The following FYN variants were observed in gnomAD, a reference collection of about 807,000 sequenced individuals.
FYN encodes the protein tyrosine-protein kinase Fyn.
FYN carries 10 observed loss-of-function variants against 70.2 expected under a neutral mutation model. The ratio of observed to expected loss-of-function variants is 0.14; its 90% CI spans 0.09 to 0.24. FYN has a LOEUF of 0.24. Among genes scored for constraint, FYN ranks in the 10% least tolerant of loss-of-function variants. The pLI is 1.00. For missense variants in FYN, 319 were observed against 673.1 expected (o/e 0.47, Z 5.82); for synonymous variants, 236 against 248.6 (o/e 0.95, Z 0.48).
intron 4 of FYN, among the ~76,000 whole-genome samples, chr6:111,716,431 C>A (rs1366572262): frequency 6.6e-6 from 1 of 152,090 alleles, no homozygotes; most frequent in Non-Finnish European, 1.5e-5. Flanking sequence ...GTTCTATGCT[C>A]CCTGGAATAT....
At chr6:111,855,942 T>C (rs1773813521) in intron 1 of FYN, among the ~76,000 whole-genome samples, 1 of 152,256 alleles carries the variant, frequency 6.6e-6, no homozygotes, top group Admixed American at 6.5e-5. Context: ...TTCTGATGTT[T>C]TGTAATATCT....
At chr6:111,844,135 G>A (rs538670143) in intron 2 of FYN, among the ~76,000 whole-genome samples, 146 of 152,288 alleles carry the variant, frequency 9.6e-4, no homozygotes, top group Non-Finnish European at 1.8e-3. Context: ...ACAGTGAAGT[G>A]TAACATAGAT....
At chr6:111,734,339 G>A (rs1356154929) in intron 3 of FYN, among the ~76,000 whole-genome samples, 2 of 152,174 alleles carry the variant, frequency 1.3e-5, no homozygotes, top group Non-Finnish European at 2.9e-5. Context: ...CTGTGCCAGA[G>A]CCTTGAGAAG....
chr6:111,694,350 G>C lies in FYN; in HGVS notation c.1273+25C>G. 1 of 1,613,188 alleles carries C rather than the reference G, an allele frequency of 6.2e-7. No individual in the cohort carries two copies. The highest frequency in any genetic ancestry group is 8.5e-7 in the Non-Finnish European group (1 of 1,179,308). ...TGACTGTTCTCACAGCTGTGATCAC[G>C]AGCCATTGTCATTCAAGTGCCCACC... On this transcript the variant is annotated intron_variant, in intron 12 of 13. Coordinates refer to ENST00000354650, the MANE Select transcript of FYN (RefSeq NM_002037.5). This position sits in a 1 kb window ranked among gnomAD's most constrained non-coding sequence, Gnocchi z 5.0.
At chr6:111,809,654 C>T (rs1261483284) in intron 2 of FYN, among the ~76,000 whole-genome samples, 1 of 152,238 alleles carries the variant, frequency 6.6e-6, no homozygotes, top group Non-Finnish European at 1.5e-5. Flanking sequence ...ACCTGCCAAT[C>T]CCCCTCTTCA....
intron 2 of FYN, among the ~76,000 whole-genome samples, chr6:111,801,023 C>T (rs2148710): frequency 0.3 from 46,179 of 152,174 alleles, 11,229 homozygotes; most frequent in African/African-American, 0.68. Flanking sequence ...GCTTCACAGA[C>T]AGTAGAAGGA....
chr6:111,731,276 G>A (rs865910862), intron 3 of FYN, among the ~76,000 whole-genome samples: 4 of 152,320 alleles, frequency 2.6e-5, no homozygotes, highest in Admixed American at 6.5e-5. Context: ...TTCCAGTCAA[G>A]AAGATCCAAT....
chr6:111,839,728 A>G (rs1773297370), intron 2 of FYN, among the ~76,000 whole-genome samples: 1 of 152,168 alleles, frequency 6.6e-6, no homozygotes, highest in Non-Finnish European at 1.5e-5. Context: ...GACTAGGAAA[A>G]AAGGATTTTT....
intron 2 of FYN, among the ~76,000 whole-genome samples, chr6:111,837,812 C>T (rs894582567): frequency 3.3e-5 from 5 of 152,188 alleles, no homozygotes; most frequent in South Asian, 2.1e-4. Context: ...CACCACACGA[C>T]GCTGCCTCAT....
At chr6:111,776,157 G>A (rs138282230) in intron 3 of FYN, among the ~76,000 whole-genome samples, 53 of 152,270 alleles carry the variant, frequency 3.5e-4, no homozygotes, top group Middle Eastern at 6.8e-3. Context: ...GGTAGAGTGG[G>A]TGAAAGGCAC....
chr6:111,823,856 T>C (rs1410877592), intron 2 of FYN, among the ~76,000 whole-genome samples: 1 of 152,222 alleles, frequency 6.6e-6, no homozygotes, highest in Non-Finnish European at 1.5e-5. Flanking sequence ...ACATTGACTT[T>C]CAGTTTATCA....
chr6:111,696,187 G>A, intron 10 of FYN, 90 bp downstream of exon 10: 1 of 1,161,394 alleles, frequency 8.6e-7, no homozygotes, highest in African/African-American at 1.6e-5. Flanking sequence ...GCAGAAACTA[G>A]AAAAGTAGCA....
chr6:111,868,004 C>A (rs574434204), intron 1 of FYN, among the ~76,000 whole-genome samples: 1 of 152,248 alleles, frequency 6.6e-6, no homozygotes, highest in South Asian at 2.1e-4. Context: ...TGTGCATTCG[C>A]CCTCTGGGCT....
At chr6:111,831,293 T>A (rs1773009324) in intron 2 of FYN, among the ~76,000 whole-genome samples, 4 of 152,238 alleles carry the variant, frequency 2.6e-5, no homozygotes, top group Admixed American at 2.6e-4. Context: ...GAATAACTGT[T>A]ACTATTCTAT....
At chr6:111,702,731 A>G (rs1186597311) in intron 8 of FYN, 154 bp downstream of exon 8, 1 of 602,524 alleles carries the variant, frequency 1.7e-6, no homozygotes, top group East Asian at 3.0e-5. Context: ...TAGAACCTAT[A>G]CAGCCAAGCC....
intron 12 of FYN, among the ~76,000 whole-genome samples, chr6:111,687,622 G>A (rs1799074319): frequency 6.7e-6 from 1 of 150,242 alleles, no homozygotes; most frequent in Non-Finnish European, 1.5e-5. Context: ...GTGTGTGTGT[G>A]TGTGTGTGTA....
rs1562476702 is a variant in FYN, at chr6:111,696,476, T to C, written c.863-20A>G. 3 of 1,544,490 alleles carry C rather than the reference T, an allele frequency of 1.9e-6. No homozygotes were observed. Among genetic ancestry groups the C allele is most frequent in the South Asian group, 1.2e-5 (1 of 80,418 alleles). ...AGGTACCTACAAACATCCCAGAATA[T>C]GAAGTCAAACCAAAGATCTTCTTTT... On this transcript the variant is annotated intron_variant, in intron 9 of 13. Coordinates refer to ENST00000354650, the MANE Select transcript of FYN (RefSeq NM_002037.5).
chr6:111,850,121 G>T (rs1773643646), intron 1 of FYN, among the ~76,000 whole-genome samples: 1 of 152,132 alleles, frequency 6.6e-6, no homozygotes, highest in South Asian at 2.1e-4. Context: ...TCTTGCTATT[G>T]AAAGAGATTC....
At chr6:111,830,967 C>A (rs2114411710) in intron 2 of FYN, among the ~76,000 whole-genome samples, 1 of 151,994 alleles carries the variant, frequency 6.6e-6, no homozygotes, top group Non-Finnish European at 1.5e-5. Flanking sequence ...GGTGGAAGTG[C>A]AAAACAGAAG....
Sources: allele counts gnomAD v4.1 joint callset (sites outside exome capture counted in the v4.1 genomes callset), GRCh38; gene constraint gnomAD v4.1.1; non-coding constraint Gnocchi (gnomAD v3.1); transcripts MANE v1.5; gene names NCBI Gene and HGNC (gene_info 2026-07-23, HGNC 2026-07-21).